Variants in CIRSR observed in about 807,000 individuals in gnomAD.
CIRSR encodes the protein CBF1 (RBPJ) interacting corepressor 1.
chr2:174,350,022 T>G, the CIRSR span, among the ~76,000 whole-genome samples: 24 of 152,346 alleles, frequency 1.6e-4, no homozygotes, highest in Non-Finnish European at 2.9e-4. Flanking sequence ...TTTTCAACAA[T>G]TGTTTAGTTT....
At chr2:174,379,970 G>T in the CIRSR span, among the ~76,000 whole-genome samples, 1 of 151,730 alleles carries the variant, frequency 6.6e-6, no homozygotes, top group South Asian at 2.1e-4. Context: ...TGATCCGCCC[G>T]CCTCGGCCTC....
chr2:174,351,303 A>G, the CIRSR span, among the ~76,000 whole-genome samples: 12 of 152,260 alleles, frequency 7.9e-5, no homozygotes, highest in East Asian at 2.3e-3. Flanking sequence ...ACTTCTAACC[A>G]TTGGTTCTAT....
At chr2:174,366,239 T>C in the CIRSR span, among the ~76,000 whole-genome samples, 411 of 152,162 alleles carry the variant, frequency 2.7e-3, no homozygotes, top group African/African-American at 9.4e-3. Flanking sequence ...ATGTGTATAA[T>C]GGAAATAATA....
chr2:174,390,725 T>A, the CIRSR span, among the ~76,000 whole-genome samples: 1 of 152,170 alleles, frequency 6.6e-6, no homozygotes, highest in Non-Finnish European at 1.5e-5. Context: ...GGTAACTGAA[T>A]AAAAGGGGCT....
At chr2:174,364,763 T>G in the CIRSR span, among the ~76,000 whole-genome samples, 2 of 152,230 alleles carry the variant, frequency 1.3e-5, no homozygotes, top group Admixed American at 1.3e-4. Context: ...CTGGAGTGGC[T>G]GGGACACAGG....
At chr2:174,351,976 A>T in the CIRSR span, 3 of 316,682 alleles carry the variant, frequency 9.5e-6, no homozygotes, top group East Asian at 1.6e-4. Context: ...ATTGAAAAAG[A>T]TACATTTAGA....
the CIRSR span, among the ~76,000 whole-genome samples, chr2:174,352,508 A>G: frequency 0.64 from 97,738 of 152,048 alleles, 32,210 homozygotes; most frequent in East Asian, 0.8. Flanking sequence ...CAGCATTTTG[A>G]GAGGCAGAGG....
At chr2:174,348,927 T>G in the CIRSR span, 1 of 1,614,098 alleles carries the variant, frequency 6.2e-7, no homozygotes, top group Non-Finnish European at 8.5e-7. Context: ...GTCCTTCTCT[T>G]CAGAATCACT....
the CIRSR span, among the ~76,000 whole-genome samples, chr2:174,352,382 C>T: frequency 3.9e-5 from 6 of 152,172 alleles, no homozygotes; most frequent in Non-Finnish European, 8.8e-5. Flanking sequence ...TTTTACACTA[C>T]ACTTCCACTT....
chr2:174,391,185 G>A, the CIRSR span, among the ~76,000 whole-genome samples: 1 of 152,132 alleles, frequency 6.6e-6, no homozygotes, highest in African/African-American at 2.4e-5. Context: ...TCAATACACA[G>A]GTAATTTCAC....
At chr2:174,379,547 C>T in the CIRSR span, among the ~76,000 whole-genome samples, 7 of 152,078 alleles carry the variant, frequency 4.6e-5, no homozygotes, top group Non-Finnish European at 8.8e-5. Flanking sequence ...AAGCGGTGTT[C>T]CAATAAAACT....
chr2:174,374,790 A>G, the CIRSR span, among the ~76,000 whole-genome samples: 2 of 152,312 alleles, frequency 1.3e-5, no homozygotes, highest in East Asian at 3.9e-4. Flanking sequence ...TTTGCCTAAG[A>G]TGCTCAATAC....
chr2:174,378,396 G>A, the CIRSR span, among the ~76,000 whole-genome samples: 1 of 152,162 alleles, frequency 6.6e-6, no homozygotes, highest in Admixed American at 6.5e-5. Flanking sequence ...AAACTTCTCA[G>A]TTTAATATCT....
chr2:174,357,508 G>T, the CIRSR span, among the ~76,000 whole-genome samples: 1 of 152,112 alleles, frequency 6.6e-6, no homozygotes, highest in African/African-American at 2.4e-5. Context: ...AACCATAAAA[G>T]TTGTTTTAAA....
the CIRSR span, among the ~76,000 whole-genome samples, chr2:174,354,127 A>T: frequency 6.6e-6 from 1 of 151,754 alleles, no homozygotes; most frequent in Non-Finnish European, 1.5e-5. Flanking sequence ...TGTTACAGAG[A>T]TTATACAGAC....
the CIRSR span, among the ~76,000 whole-genome samples, chr2:174,364,493 T>C: frequency 1.3e-5 from 2 of 152,220 alleles, no homozygotes; most frequent in African/African-American, 4.8e-5. Flanking sequence ...GTAGCCTCTG[T>C]GTGGGGGGCT....
the CIRSR span, chr2:174,349,070 G>C: frequency 6.3e-7 from 1 of 1,577,928 alleles, no homozygotes; most frequent in Admixed American, 1.9e-5. Flanking sequence ...AGGAAGATGA[G>C]GAAGAAGAGG....
chr2:174,349,101 C>T, the CIRSR span: 2 of 1,519,510 alleles, frequency 1.3e-6, no homozygotes, highest in South Asian at 1.3e-5. Flanking sequence ...TTTGTGTTTA[C>T]TTCTGCTCTT....
At chr2:174,380,117 A>G in the CIRSR span, 50 of 891,974 alleles carry the variant, frequency 5.6e-5, no homozygotes, top group African/African-American at 8.6e-5. Context: ...GCCCCTTTTC[A>G]GCTTAAACAC....
Sources: allele counts gnomAD v4.1 joint callset (sites outside exome capture counted in the v4.1 genomes callset), GRCh38; gene constraint gnomAD v4.1.1; transcripts MANE v1.5; gene names NCBI Gene and HGNC (gene_info 2026-07-23, HGNC 2026-07-21).